Variants in CACNA2D1 observed in about 807,000 individuals in gnomAD.
CACNA2D1 encodes the protein voltage-dependent calcium channel subunit alpha-2/delta-1.
CACNA2D1 carries 53 observed loss-of-function variants against 171.5 expected under a neutral mutation model. The ratio of observed to expected loss-of-function variants is 0.31; its 90% CI spans 0.25 to 0.39. The LOEUF is 0.39. Among genes scored for constraint, CACNA2D1 ranks in the 10% least tolerant of loss-of-function variants. CACNA2D1 has a pLI of 1.00. For synonymous variants in CACNA2D1, 442 were observed against 443.1 expected, an observed-to-expected ratio of 1.00 and a Z score of 0.03; for missense variants, 903 against 1,299.8, an observed-to-expected ratio of 0.69 and a Z score of 4.69.
chr7:82,129,961 T>C (rs1790759365), intron 5 of CACNA2D1, among the ~76,000 whole-genome samples: 1 of 149,852 alleles, frequency 6.7e-6, no homozygotes, highest in African/African-American at 2.5e-5. Flanking sequence ...ATCCTCTAGA[T>C]TATAGAGACC....
At position 82,403,652 on chromosome 7, in the gene CACNA2D1, C is replaced by T. The variant is rs145828064; in HGVS notation, c.95+39713G>A. Among the ~76,000 whole-genome samples the T allele has an allele frequency of 1.9e-3, 296 of 152,268 alleles. 1 individual carries two copies. The highest frequency in any genetic ancestry group is 3.5e-3 in the Non-Finnish European group (239 of 68,038). On this transcript the variant is annotated intron_variant, in intron 1 of 38. Transcript: ENST00000356860. ...TTCTAGAAGCACTTGGGTGTCACACCCACCACTGTCAAGGTTGAAGAGATT... is the reference window on the plus strand; with the variant it reads ...TTCTAGAAGCACTTGGGTGTCACACTCACCACTGTCAAGGTTGAAGAGATT...
At chr7:82,033,296 TAAGGG>T (rs1802933808) in intron 11 of CACNA2D1, among the ~76,000 whole-genome samples, 1 of 152,026 alleles carries the variant, frequency 6.6e-6, no homozygotes, top group African/African-American at 2.4e-5. Context: ...GTAAGCTACA[TAAGGG>T]AAGGAAGCTT....
intron 3 of CACNA2D1, among the ~76,000 whole-genome samples, chr7:82,302,480 G>A (rs1474011310): frequency 1.3e-5 from 2 of 149,574 alleles, no homozygotes; most frequent in Admixed American, 6.7e-5. Context: ...GTGCAATCTC[G>A]GTTCATGGCT....
intron 12 of CACNA2D1, among the ~76,000 whole-genome samples, chr7:82,026,837 G>T (rs1187057556): frequency 6.6e-6 from 1 of 151,644 alleles, no homozygotes; most frequent in Non-Finnish European, 1.5e-5. Flanking sequence ...TATGTCCTGG[G>T]CATAAACAAT....
chr7:82,291,393 C>T (rs1811550499), intron 3 of CACNA2D1, among the ~76,000 whole-genome samples: 1 of 127,992 alleles, frequency 7.8e-6, no homozygotes, highest in African/African-American at 2.9e-5. Flanking sequence ...TATCTATCTA[C>T]ATCTACACTA....
intron 3 of CACNA2D1, among the ~76,000 whole-genome samples, chr7:82,267,858 G>C (rs39743): frequency 0.3 from 45,586 of 151,888 alleles, 7,406 homozygotes; most frequent in Non-Finnish European, 0.36. Flanking sequence ...TTAGCCGGGC[G>C]TGGTGGCGGG....
intron 2 of CACNA2D1, among the ~76,000 whole-genome samples, chr7:82,348,921 T>A (rs1344937810): frequency 3.3e-5 from 5 of 152,162 alleles, no homozygotes; most frequent in Admixed American, 6.5e-5. Context: ...CCTATACATG[T>A]AAATGCTCTT....
At chr7:82,076,336 A>C (rs948039757) in intron 7 of CACNA2D1, among the ~76,000 whole-genome samples, 1 of 152,136 alleles carries the variant, frequency 6.6e-6, no homozygotes, top group African/African-American at 2.4e-5. Context: ...GCTTGAGCGT[A>C]AACAGAGCTA....
chr7:82,108,593 T>C (rs990912177), intron 6 of CACNA2D1, among the ~76,000 whole-genome samples: 1 of 152,192 alleles, frequency 6.6e-6, no homozygotes, highest in African/African-American at 2.4e-5. Context: ...TGCTGTTCTG[T>C]GATCTGAAAT....
At chr7:82,039,161 C>T (rs1018111601) in intron 10 of CACNA2D1, among the ~76,000 whole-genome samples, 5 of 152,012 alleles carry the variant, frequency 3.3e-5, no homozygotes, top group Admixed American at 2.6e-4. Context: ...AAGGGACTGG[C>T]CAGATAAAAT....
intron 15 of CACNA2D1, among the ~76,000 whole-genome samples, chr7:82,010,921 T>C (rs1799706178): frequency 6.6e-6 from 1 of 152,188 alleles, no homozygotes; most frequent in Non-Finnish European, 1.5e-5. Context: ...GGTCTTATTA[T>C]TTTGATTCTC....
rs530733812 is a variant in CACNA2D1, at chr7:82,430,223, C to T, written c.95+13142G>A. On this transcript the variant is annotated intron_variant, in intron 1 of 38. Transcript: ENST00000356860. Reference sequence around the variant, plus strand: ...CCTGAGGTCAGGAGCCCGAGACCAGCCTGGCCAATATGGTGAACCCCGTCT... The same window carrying T: ...CCTGAGGTCAGGAGCCCGAGACCAGTCTGGCCAATATGGTGAACCCCGTCT... Among the ~76,000 whole-genome samples, 3 of 151,976 alleles carry T rather than the reference C, an allele frequency of 2.0e-5. No individual in the cohort carries two copies. In the South Asian group the frequency reaches 6.3e-4, roughly 32 times the overall value.
intron 24 of CACNA2D1, 130 bp from the exon 25 acceptor site, chr7:81,974,682 C>G: frequency 1.7e-6 from 1 of 598,002 alleles, no homozygotes; most frequent in South Asian, 1.9e-5. Context: ...CTTCTTGTTA[C>G]TTCCATTTCC....
intron 12 of CACNA2D1, among the ~76,000 whole-genome samples, chr7:82,026,602 A>G (rs1801951572): frequency 6.6e-6 from 1 of 151,678 alleles, no homozygotes; most frequent in Admixed American, 6.6e-5. Flanking sequence ...TGGAATTAGT[A>G]CTGCATGCAC....
At chr7:82,320,578 A>ATTTTT (rs1187859762) in intron 3 of CACNA2D1, among the ~76,000 whole-genome samples, 4 of 128,746 alleles carry the variant, frequency 3.1e-5, no homozygotes, top group Non-Finnish European at 3.3e-5. Context: ...CACTTGGCTA[A>ATTTTT]TTTTTTTTTT....
intron 25 of CACNA2D1, among the ~76,000 whole-genome samples, chr7:81,973,198 T>C (rs1795472198): frequency 6.6e-6 from 1 of 152,042 alleles, no homozygotes; most frequent in African/African-American, 2.4e-5. Context: ...TCAACAATCT[T>C]ATTACAGTTC....
At chr7:82,061,238 G>C (rs993495113) in intron 9 of CACNA2D1, among the ~76,000 whole-genome samples, 1 of 152,104 alleles carries the variant, frequency 6.6e-6, no homozygotes. Flanking sequence ...TGGTACCAAA[G>C]AGTCTATGTC....
intron 1 of CACNA2D1, among the ~76,000 whole-genome samples, chr7:82,414,858 A>C (rs577452654): frequency 3.9e-4 from 60 of 152,156 alleles, no homozygotes; most frequent in Admixed American, 3.3e-4. Flanking sequence ...GGTTATAGCT[A>C]CTCATTCATA....
In CACNA2D1 at chr7:82,400,060, T is replaced by C. The variant is rs567304881; in HGVS notation, c.95+43305A>G. Among the ~76,000 whole-genome samples, 936 of 151,634 alleles carry C rather than the reference T, an allele frequency of 6.2e-3. 13 individuals are homozygous for C. Among genetic ancestry groups the C allele is most frequent in the African/African-American group, 0.021 (871 of 41,342 alleles). On this transcript the variant is annotated intron_variant, in intron 1 of 38. Coordinates refer to ENST00000356860, the MANE Select transcript of CACNA2D1 (RefSeq NM_000722.4). Reference sequence around the variant, plus strand: ...GGCTCTGTTCTGTTCCATTGATCTATATCTCTGTTTTGGTACCAGTACCAT... The same window carrying C: ...GGCTCTGTTCTGTTCCATTGATCTACATCTCTGTTTTGGTACCAGTACCAT...
Sources: gnomAD v4.1 joint callset for allele counts (sites outside exome capture counted in the v4.1 genomes callset) on GRCh38, gnomAD v4.1.1 for gene constraint, MANE v1.5 for transcripts, NCBI Gene and HGNC (gene_info 2026-07-23, HGNC 2026-07-21) for gene names.